RNF152: variants seen among roughly 807,000 people sequenced by gnomAD.
The protein encoded by RNF152 is ring finger protein 152.
A neutral mutation model predicts 12.7 loss-of-function variants in RNF152; 11 were observed. That is an observed-to-expected ratio of 0.86 (90% CI 0.54 to 1.43). The LOEUF (loss-of-function observed/expected upper bound fraction) is 1.43, where lower values mean the gene tolerates loss of function less well. RNF152 is among the 40% of genes most tolerant of loss of function. The pLI is 0.00. For synonymous variants in RNF152, 113 were observed against 120.3 expected, an observed-to-expected ratio of 0.94 and a Z score of 0.40; for missense variants, 255 against 274.8, an observed-to-expected ratio of 0.93 and a Z score of 0.51.
intron 1 of RNF152, among the ~76,000 whole-genome samples, chr18:61,832,301 G>C (rs1279195958): frequency 6.6e-6 from 1 of 152,020 alleles, no homozygotes; most frequent in Non-Finnish European, 1.5e-5. Flanking sequence ...ATGGATTTTT[G>C]TTTTTGTTTT....
intron 1 of RNF152, among the ~76,000 whole-genome samples, chr18:61,831,706 C>G (rs934055577): frequency 3.3e-5 from 5 of 151,996 alleles, no homozygotes; most frequent in African/African-American, 2.4e-5. Flanking sequence ...AAACAAAAAC[C>G]ACTGTAAATA....
chr18:61,877,026 G>T (rs1809406522), intron 1 of RNF152, among the ~76,000 whole-genome samples: 1 of 152,174 alleles, frequency 6.6e-6, no homozygotes, highest in Non-Finnish European at 1.5e-5. Flanking sequence ...CTCAGTTGGG[G>T]TGGCTCTTTG....
At chr18:61,830,225 G>C (rs574418352) in intron 1 of RNF152, among the ~76,000 whole-genome samples, 24 of 151,930 alleles carry the variant, frequency 1.6e-4, no homozygotes, top group African/African-American at 5.8e-4. Context: ...GGGTGTCTTG[G>C]TATTTGGCCA....
chr18:61,852,637 C>A (rs1322046895), intron 1 of RNF152, among the ~76,000 whole-genome samples: 2 of 152,154 alleles, frequency 1.3e-5, no homozygotes, highest in Non-Finnish European at 2.9e-5. Context: ...TAGCTGCAAA[C>A]TTCCATCACC....
rs1349130842 is a variant in RNF152 at position 61,814,058 on chromosome 18, T to C, written c.*1794A>G. 1 of 152,190 alleles carries C rather than the reference T, an allele frequency of 6.6e-6. No individual in the cohort carries two copies. Among genetic ancestry groups the C allele is most frequent in the Non-Finnish European group, 1.5e-5 (1 of 68,026 alleles). 9.4% of individuals were successfully genotyped at this position (152,190 alleles called of 1,614,324 possible). A position where few individuals can be genotyped will look rare whatever the true frequency, so the allele number is the denominator to read the frequency against. ...AGCTTTCAAATACATTTCCTAAAGG[T>C]TTTATGATCAATTTGAAAAATCAGA... On this transcript the variant is annotated 3_prime_UTR_variant, in exon 2 of 2. Coordinates refer to ENST00000312828, the MANE Select transcript of RNF152 (RefSeq NM_173557.3).
At chr18:61,851,127 T>C (rs940113780) in intron 1 of RNF152, among the ~76,000 whole-genome samples, 4 of 151,770 alleles carry the variant, frequency 2.6e-5, no homozygotes, top group Non-Finnish European at 4.4e-5. Flanking sequence ...CTGACTGTGG[T>C]TGGTGCAAAT....
intron 1 of RNF152, among the ~76,000 whole-genome samples, chr18:61,872,614 T>C (rs34958570): frequency 0.75 from 114,510 of 152,090 alleles, 43,575 homozygotes; most frequent in African/African-American, 0.87. Flanking sequence ...TCCCTTCTGG[T>C]TTGCCCTACA....
intron 1 of RNF152, among the ~76,000 whole-genome samples, chr18:61,870,636 G>A (rs1338908769): frequency 6.6e-6 from 1 of 152,172 alleles, no homozygotes; most frequent in African/African-American, 2.4e-5. Flanking sequence ...GATGCAGGGA[G>A]AAAGGGAGTT....
intron 1 of RNF152, among the ~76,000 whole-genome samples, chr18:61,855,676 CCCACACTCGCTCA>C (rs2144704147): frequency 6.6e-6 from 1 of 152,354 alleles, no homozygotes; most frequent in East Asian, 1.9e-4. Flanking sequence ...GTGGCTGGAC[CCCACACTCGCTCA>C]CCACACAATC....
intron 1 of RNF152, among the ~76,000 whole-genome samples, chr18:61,877,155 G>A (rs945665985): frequency 6.6e-6 from 1 of 152,152 alleles, no homozygotes; most frequent in Non-Finnish European, 1.5e-5. Context: ...CAAACAACTC[G>A]GCTGTTGTCA....
rs114049380 is a variant in RNF152, at chr18:61,872,193, A to G, written c.-136+20602T>C. On this transcript the variant is annotated intron_variant, in intron 1 of 1. Coordinates refer to ENST00000312828, the MANE Select transcript of RNF152 (RefSeq NM_173557.3). The stretch of plus-strand genomic sequence containing the variant: ...AACTAGGTCTCGTGAGAACTCTATC[A>G]GGAGAACAGCACCAAAAGGATAGTG... 1.1e-3 allele frequency among the ~76,000 whole-genome samples: 175 copies of G among 152,298 alleles called. 2 individuals are homozygous for G. Among genetic ancestry groups the G allele is most frequent in the African/African-American group, 4.0e-3 (167 of 41,570 alleles).
chr18:61,837,327 A>C (rs4297789), intron 1 of RNF152, among the ~76,000 whole-genome samples: 74,134 of 152,036 alleles, frequency 0.49, 18,421 homozygotes, highest in Non-Finnish European at 0.53. Flanking sequence ...AAAATGCCCA[A>C]AGTGATACAA....
At chr18:61,875,490 G>A (rs1450701222) in intron 1 of RNF152, among the ~76,000 whole-genome samples, 1 of 152,020 alleles carries the variant, frequency 6.6e-6, no homozygotes, top group African/African-American at 2.4e-5. Flanking sequence ...CCTTTACATG[G>A]TCAGCTCTCT....
chr18:61,825,420 C>G (rs893125755), intron 1 of RNF152, among the ~76,000 whole-genome samples: 12 of 152,308 alleles, frequency 7.9e-5, no homozygotes, highest in Admixed American at 6.5e-4. Flanking sequence ...AAGGAGCCTA[C>G]AAGCTGGCCC....
chr18:61,831,607 A>T (rs910080600), intron 1 of RNF152, among the ~76,000 whole-genome samples: 3 of 152,054 alleles, frequency 2.0e-5, no homozygotes, highest in African/African-American at 7.2e-5. Context: ...AGTATTTAAG[A>T]TGTAAGATAA....
intron 1 of RNF152, among the ~76,000 whole-genome samples, chr18:61,891,170 T>C (rs1167588646): frequency 6.6e-6 from 1 of 152,208 alleles, no homozygotes; most frequent in East Asian, 1.9e-4. Flanking sequence ...GAAGCAGGCA[T>C]TGGAGGCAGA....
intron 1 of RNF152, among the ~76,000 whole-genome samples, chr18:61,876,290 G>T (rs534903129): frequency 6.6e-6 from 1 of 152,306 alleles, no homozygotes; most frequent in African/African-American, 2.4e-5. Flanking sequence ...TTGTACGCAT[G>T]TTCTTACTCC....
intron 1 of RNF152, among the ~76,000 whole-genome samples, chr18:61,864,239 C>A (rs1210361757): frequency 6.6e-6 from 1 of 152,156 alleles, no homozygotes; most frequent in Admixed American, 6.5e-5. Context: ...GCATAAGTCC[C>A]AGGCCTCCTG....
intron 1 of RNF152, among the ~76,000 whole-genome samples, chr18:61,881,818 G>T (rs987436741): frequency 2.0e-5 from 3 of 152,184 alleles, no homozygotes; most frequent in Admixed American, 1.3e-4. Context: ...ATAAATTTGG[G>T]GTGAAATCTG....
Sources: allele counts gnomAD v4.1 joint callset (sites outside exome capture counted in the v4.1 genomes callset), GRCh38; gene constraint gnomAD v4.1.1; transcripts MANE v1.5; gene names NCBI Gene and HGNC (gene_info 2026-07-23, HGNC 2026-07-21).